Variants in RNF180 observed in about 807,000 individuals in gnomAD.
The protein encoded by RNF180 is ring finger protein 180.
Under a neutral mutation model 59.2 loss-of-function variants are expected in RNF180, and 38 were observed. The ratio of observed to expected loss-of-function variants is 0.64; its 90% confidence interval spans 0.50 to 0.84. RNF180 has a LOEUF of 0.84. RNF180 is among the 40% of genes least tolerant of loss of function. The pLI, the probability that RNF180 is intolerant of heterozygous loss-of-function variation, is 0.00. For missense variants in RNF180, 705 were observed against 700.9 expected (o/e 1.01, Z -0.07); for synonymous variants, 262 against 240.3 (o/e 1.09, Z -0.84).
intron 7 of RNF180, among the ~76,000 whole-genome samples, chr5:64,348,048 A>G (rs1294423784): frequency 6.6e-6 from 1 of 152,098 alleles, no homozygotes; most frequent in East Asian, 1.9e-4. Context: ...CACTTAAAAT[A>G]TGTATCTTAT....
At chr5:64,215,989 G>GT (rs35271070) in intron 4 of RNF180, among the ~76,000 whole-genome samples, 1,926 of 148,138 alleles carry the variant, frequency 0.013, 20 homozygotes, top group East Asian at 0.045. Context: ...AAGTTAATGT[G>GT]TTTTTTTTTT....
chr5:64,242,657 A>G (rs1742872505), intron 5 of RNF180, among the ~76,000 whole-genome samples: 1 of 152,210 alleles, frequency 6.6e-6, no homozygotes, highest in Admixed American at 6.5e-5. Flanking sequence ...AGGGAAAGAA[A>G]GCTTATCTAA....
intron 1 of RNF180, among the ~76,000 whole-genome samples, chr5:64,175,972 A>G (rs1750210213): frequency 6.6e-6 from 1 of 152,136 alleles, no homozygotes; most frequent in African/African-American, 2.4e-5. Flanking sequence ...ACTTTACTGA[A>G]TTTGGTAATT....
chr5:64,292,206 G>T (rs1480307420), intron 5 of RNF180, among the ~76,000 whole-genome samples: 1 of 152,108 alleles, frequency 6.6e-6, no homozygotes, highest in African/African-American at 2.4e-5. Context: ...AGTAGAAAAG[G>T]CACTCTGGCC....
chr5:64,214,442 T>G lies in RNF180; in HGVS notation c.1116T>G (p.Leu372=). ...CATTGGGCAGCATTAATCAGAGGCT[T>G]AATAAGAGAGAAAGGAGCAAGTTGA... ...NFSLGSINQR[L]NKRERSKLKN... The change falls in exon 4 of 8, where the codon CTT becomes CTG. Residue 372 remains leucine, a synonymous_variant. Coordinates refer to ENST00000389100, the MANE Select transcript of RNF180 (RefSeq NM_001113561.2). The G allele has an allele frequency of 6.2e-7, 1 of 1,613,792 alleles. No homozygotes were observed.
rs958313255 is a variant in RNF180, at chr5:64,369,798, T to G, written c.1763T>G (p.Phe588Cys). 1.1e-5 allele frequency: 16 copies of G among 1,513,820 alleles called. No homozygotes were observed. Among genetic ancestry groups the G allele is most frequent in the Non-Finnish European group, 1.4e-5 (16 of 1,131,508 alleles). 93.8% of individuals were successfully genotyped at this position (1,513,820 alleles called of 1,614,324 possible). ...GFIVFCFLCYFFFPF is the reference protein window; with the variant it reads ...GFIVFCFLCYCFFPF The stretch of plus-strand genomic sequence containing the variant: ...ATTGTTTTCTGCTTTCTTTGCTATT[T>G]TTTCTTTCCGTTTTAGGAATTTCAT... The change falls in exon 8 of 8, where the codon TTT becomes TGT. Residue 588 changes from phenylalanine (F) to cysteine (C), a missense_variant. Phe to Cys is a radical substitution (Grantham distance 205, BLOSUM62 -2). Coordinates refer to ENST00000389100, the MANE Select transcript of RNF180 (RefSeq NM_001113561.2).
chr5:64,202,288 G>A (rs925336534), intron 2 of RNF180, among the ~76,000 whole-genome samples: 17 of 152,182 alleles, frequency 1.1e-4, no homozygotes, highest in African/African-American at 3.1e-4. Flanking sequence ...TTGTGTCAGC[G>A]TAGTGTTTTA....
At chr5:64,194,760 G>A (rs1751370969) in intron 1 of RNF180, among the ~76,000 whole-genome samples, 1 of 152,174 alleles carries the variant, frequency 6.6e-6, no homozygotes, top group African/African-American at 2.4e-5. Flanking sequence ...CAGTGATGAT[G>A]AGCATTTTTT....
intron 7 of RNF180, among the ~76,000 whole-genome samples, chr5:64,353,837 T>C (rs1745913300): frequency 6.6e-6 from 1 of 151,610 alleles, no homozygotes; most frequent in Non-Finnish European, 1.5e-5. Context: ...AATTCACTAA[T>C]ACGTGGAAAT....
At chr5:64,212,404 A>G (rs1327197964) in intron 3 of RNF180, among the ~76,000 whole-genome samples, 1 of 152,020 alleles carries the variant, frequency 6.6e-6, no homozygotes, top group Non-Finnish European at 1.5e-5. Flanking sequence ...ATACAGAAGC[A>G]TATATATGAC....
At chr5:64,242,778 A>G (rs1355243323) in intron 5 of RNF180, among the ~76,000 whole-genome samples, 1 of 152,226 alleles carries the variant, frequency 6.6e-6, no homozygotes, top group African/African-American at 2.4e-5. Flanking sequence ...TAATAATCAC[A>G]TTATTGGGAT....
At chr5:64,343,179 T>G (rs1179533864) in intron 7 of RNF180, among the ~76,000 whole-genome samples, 1 of 152,086 alleles carries the variant, frequency 6.6e-6, no homozygotes, top group Admixed American at 6.6e-5. Flanking sequence ...TTGATCTAGA[T>G]GTTGGGGTTA....
intron 2 of RNF180, among the ~76,000 whole-genome samples, chr5:64,209,054 GA>G (rs1293365928): frequency 6.6e-6 from 1 of 151,928 alleles, no homozygotes; most frequent in African/African-American, 2.4e-5. Context: ...AGAGATATAA[GA>G]AAGTTTATTG....
chr5:64,195,594 T>C (rs1194714209), intron 1 of RNF180, among the ~76,000 whole-genome samples: 2 of 152,226 alleles, frequency 1.3e-5, no homozygotes, highest in African/African-American at 2.4e-5. Flanking sequence ...CATTGGCTAA[T>C]TGATATAAAT....
At chr5:64,260,312 C>T (rs997856339) in intron 5 of RNF180, among the ~76,000 whole-genome samples, 2 of 152,082 alleles carry the variant, frequency 1.3e-5, no homozygotes, top group Admixed American at 1.3e-4. Context: ...ATGCAGTAGT[C>T]TCTGTAATTA....
At chr5:64,335,928 A>T (rs920335712) in intron 7 of RNF180, among the ~76,000 whole-genome samples, 6 of 152,000 alleles carry the variant, frequency 3.9e-5, no homozygotes, top group Non-Finnish European at 5.9e-5. Flanking sequence ...ATCTCCTTTG[A>T]TGTCCTATAA....
chr5:64,174,779 G>A (rs1003731064), intron 1 of RNF180, among the ~76,000 whole-genome samples: 6 of 151,946 alleles, frequency 3.9e-5, no homozygotes, highest in African/African-American at 1.5e-4. Flanking sequence ...TTGGTGTGCA[G>A]AAACTTTTTA....
At chr5:64,357,814 T>A (rs1335100601) in intron 7 of RNF180, among the ~76,000 whole-genome samples, 2 of 151,970 alleles carry the variant, frequency 1.3e-5, no homozygotes, top group Admixed American at 6.6e-5. Flanking sequence ...CGAAAAAAAG[T>A]CATAGCCTTG....
chr5:64,277,531 C>T (rs1741790102), intron 5 of RNF180, among the ~76,000 whole-genome samples: 1 of 151,926 alleles, frequency 6.6e-6, no homozygotes, highest in Admixed American at 6.6e-5. Flanking sequence ...AAGGTAGGGG[C>T]TGGGCAGGTG....
Sources: allele counts gnomAD v4.1 joint callset (sites outside exome capture counted in the v4.1 genomes callset), GRCh38; gene constraint gnomAD v4.1.1; transcripts MANE v1.5; gene names NCBI Gene and HGNC (gene_info 2026-07-23, HGNC 2026-07-21).